Variants in TDRD9 observed in about 807,000 individuals in gnomAD.
TDRD9 encodes ATP-dependent RNA helicase TDRD9.
Under a neutral mutation model 172.6 loss-of-function variants are expected in TDRD9, and 124 were observed. That is an observed-to-expected ratio of 0.72 (90% CI 0.62 to 0.83). TDRD9 has a LOEUF of 0.83. Among genes scored for constraint, TDRD9 ranks in the 40% least tolerant of loss-of-function variants. The probability of loss-of-function intolerance (pLI) is 0.00; values close to 1 mark genes in which losing one functional copy is unlikely to be tolerated. For missense variants in TDRD9, 1,479 were observed against 1,714.1 expected (o/e 0.86, Z 2.42); for synonymous variants, 619 against 617.1 (o/e 1.00, Z -0.05).
At chr14:103,944,855 G>A (rs920759686) in intron 1 of TDRD9, among the ~76,000 whole-genome samples, 4 of 152,096 alleles carry the variant, frequency 2.6e-5, no homozygotes, top group East Asian at 1.9e-4. Flanking sequence ...GTGAGCCACC[G>A]TGCCCGGCTT....
In TDRD9 at chr14:103,965,360, G is replaced by T; in HGVS notation, c.448G>T (p.Val150Leu). 1 of 1,551,644 alleles carries T rather than the reference G, an allele frequency of 6.4e-7. No individual in the cohort carries two copies. The highest frequency in any genetic ancestry group is 1.2e-5 in the South Asian group (1 of 84,048). Residue 150 changes from valine to leucine, a missense_variant, in exon 4 of 36, where the codon GTG (valine) becomes TTG (leucine). This residue lies in a region of TDRD9 where 1,413 missense variants were observed against 1,649.1 expected (regional missense o/e 0.86). Transcript: ENST00000409874. ...TGTGTCTTTGATAGAAAGTAATTCCGTGGTGATTATCCATGGGGCCACGGG... is the reference window on the plus strand; with the variant it reads ...TGTGTCTTTGATAGAAAGTAATTCCTTGGTGATTATCCATGGGGCCACGGG... ...EVVSLIESNS[V>L]VIIHGATGSG...
At chr14:103,981,447 G>T (rs1483711747) in intron 7 of TDRD9, among the ~76,000 whole-genome samples, 3 of 152,160 alleles carry the variant, frequency 2.0e-5, no homozygotes, top group Non-Finnish European at 4.4e-5. Context: ...TCATGGGTGG[G>T]TTATGTTCAA....
rs1342749334 is a variant in TDRD9, at chr14:103,941,799, GA to G, written c.215+13076del. 13 of 866,110 alleles carry G rather than the reference GA, an allele frequency of 1.5e-5. No homozygotes were observed. In the East Asian group the frequency reaches 3.3e-4, roughly 22 times the overall value. 53.7% of individuals were successfully genotyped at this position (866,110 alleles called of 1,614,324 possible). A position where few individuals can be genotyped will look rare whatever the true frequency, so the allele number is the denominator to read the frequency against. On this transcript the variant is annotated intron_variant, in intron 1 of 35. Transcript: ENST00000409874. ...CAATAAATTTGCCCGAAAAGTGCAC[GA>G]TTTTTTTTCACATTTAGCTATGCAG...
chr14:103,971,341 G>T (rs1371253227), intron 6 of TDRD9, among the ~76,000 whole-genome samples: 1 of 151,568 alleles, frequency 6.6e-6, no homozygotes, highest in Non-Finnish European at 1.5e-5. Context: ...GTCTCACTCT[G>T]TTGCCCAGGG....
chr14:103,988,529 A>G (rs1032734076), intron 8 of TDRD9, among the ~76,000 whole-genome samples: 1 of 152,014 alleles, frequency 6.6e-6, no homozygotes, highest in African/African-American at 2.4e-5. Context: ...TAATCCATTT[A>G]TGTTGTTTAA....
intron 6 of TDRD9, among the ~76,000 whole-genome samples, chr14:103,970,889 C>A (rs1429737953): frequency 2.0e-5 from 3 of 152,108 alleles, no homozygotes; most frequent in Non-Finnish European, 4.4e-5. Flanking sequence ...AGTTGCTATA[C>A]TCTATTTTTT....
intron 7 of TDRD9, among the ~76,000 whole-genome samples, chr14:103,981,825 G>A (rs2033483617): frequency 6.6e-6 from 1 of 152,204 alleles, no homozygotes; most frequent in Admixed American, 6.5e-5. Context: ...TCACTGTAAA[G>A]TCTAAAAATA....
chr14:103,931,802 G>A (rs1488035682), intron 1 of TDRD9, among the ~76,000 whole-genome samples: 1 of 152,182 alleles, frequency 6.6e-6, no homozygotes. Context: ...CTGATCACAT[G>A]AGCCCTTAAA....
rs192133833 is a variant in TDRD9, at chr14:104,024,167, T to C, written c.2607-402T>C. Among the ~76,000 whole-genome samples the C allele has an allele frequency of 5.9e-5, 9 of 152,314 alleles. No individual in the cohort carries two copies. In the East Asian group the frequency reaches 7.7e-4, roughly 13 times the overall value. On this transcript the variant is annotated intron_variant, in intron 24 of 35. Coordinates refer to ENST00000409874, the MANE Select transcript of TDRD9 (RefSeq NM_153046.3). ...GCATTGAGCCAAGCGTGGATTCTTA[T>C]AGTTTTCTAAAGGTCAAGGTGCACA...
chr14:104,012,502 T>G (rs1413686898), intron 20 of TDRD9, among the ~76,000 whole-genome samples: 1 of 149,054 alleles, frequency 6.7e-6, no homozygotes, highest in Non-Finnish European at 1.5e-5. Context: ...GGTGTGGGAT[T>G]CTAAATCATT....
intron 34 of TDRD9, 94 bp downstream of exon 34, chr14:104,042,281 C>T: frequency 1.2e-6 from 1 of 834,026 alleles, no homozygotes; most frequent in Non-Finnish European, 2.0e-6. Context: ...GGCAATGTGA[C>T]ATATTGATCA....
Position 104,040,282 on chromosome 14 carries a change from A to G in TDRD9, c.3803A>G (p.His1268Arg). 2 of 1,551,762 alleles carry G rather than the reference A, an allele frequency of 1.3e-6. No homozygotes were observed. Among genetic ancestry groups the G allele is most frequent in the Non-Finnish European group, 1.7e-6 (2 of 1,146,908 alleles). The change falls in exon 33 of 36, where the codon CAC (histidine) becomes CGC (arginine). Residue 1268 changes from histidine to arginine, a missense_variant. His to Arg is a conservative substitution (Grantham distance 29). Transcript: ENST00000409874. ...ACAGGGGCTTCCATACTGCCCGAGC[A>G]CGACATGGAGCTTGCGTTTGACGTT... ...PATGASILPE[H>R]DMELAFDVQF...
rs77834410 is a variant in TDRD9 at position 104,002,593 on chromosome 14, C to T, written c.1484-1645C>T. ...TGGTTGCCTTTGATTGGCTGAAACC[C>T]GGTGATTGGCATAAGAGTGGGTTAT... On this transcript the variant is annotated intron_variant, in intron 13 of 35. Coordinates refer to ENST00000409874, the MANE Select transcript of TDRD9 (RefSeq NM_153046.3). Among the ~76,000 whole-genome samples, 1,382 of 152,130 alleles carry T rather than the reference C, an allele frequency of 9.1e-3. 17 individuals carry two copies. Among genetic ancestry groups the T allele is most frequent in the African/African-American group, 0.032 (1,313 of 41,498 alleles).
intron 25 of TDRD9, 131 bp from the exon 26 acceptor site, chr14:104,025,433 C>A: frequency 4.3e-6 from 3 of 698,272 alleles, no homozygotes; most frequent in Non-Finnish European, 7.2e-6. Flanking sequence ...CCTGTAAATA[C>A]TTATGTTCCG....
intron 23 of TDRD9, among the ~76,000 whole-genome samples, chr14:104,018,885 A>ATT (rs2034870814): frequency 6.6e-6 from 1 of 152,208 alleles, no homozygotes; most frequent in South Asian, 2.1e-4. Flanking sequence ...CAAGTTGAAC[A>ATT]TTAAGTCCAT....
At chr14:104,019,390 G>A (rs1388387153) in intron 23 of TDRD9, among the ~76,000 whole-genome samples, 3 of 152,112 alleles carry the variant, frequency 2.0e-5, no homozygotes, top group Non-Finnish European at 4.4e-5. Flanking sequence ...TTGAGACAGA[G>A]TCTTGCTCTG....
At chr14:104,003,994 C>T (rs1017924137) in intron 13 of TDRD9, among the ~76,000 whole-genome samples, 5 of 152,076 alleles carry the variant, frequency 3.3e-5, no homozygotes, top group African/African-American at 1.2e-4. Flanking sequence ...GAATAGAAGT[C>T]AGCATTTAGT....
In TDRD9 at chr14:104,002,338, GAAA is replaced by G. The variant is rs1159954540; in HGVS notation, c.1484-1895_1484-1893del. ...GTTTCAAAAAAAAAAAAAAAAAAAA[GAAA>G]AAAATTTTAGACAAATTAAATTTAA... On this transcript the variant is annotated intron_variant, in intron 13 of 35. Transcript: ENST00000409874. 7.4e-5 allele frequency among the ~76,000 whole-genome samples: 8 copies of G among 108,074 alleles called. No individual in the cohort carries two copies. The East Asian group carries it at 2.2e-3, about 30-fold the overall frequency. 70.9% of individuals were successfully genotyped at this position (108,074 alleles called of 152,430 possible). A position where few individuals can be genotyped will look rare whatever the true frequency, so the allele number is the denominator to read the frequency against.
In TDRD9 at chr14:104,006,436, T is replaced by C. The variant is rs2034439644; in HGVS notation, c.1761T>C (p.His587=). ...GGCAGAGAGAAGATGAAAACCCCCA[T>C]GATGGTGAATTGACCTTCTTAGGAA... The part of the protein sequence containing the change: ...VSGQREDENP[H]DGELTFLGRV... Residue 587 remains histidine (H), a synonymous_variant, in exon 16 of 36, where the codon CAT becomes CAC. Transcript: ENST00000409874. The C allele has an allele frequency of 2.5e-6, 4 of 1,613,918 alleles. No individual in the cohort carries two copies. Among genetic ancestry groups the C allele is most frequent in the Non-Finnish European group, 3.4e-6 (4 of 1,179,822 alleles).
Sources: gnomAD v4.1 joint callset for allele counts (sites outside exome capture counted in the v4.1 genomes callset) on GRCh38, gnomAD v4.1.1 for gene constraint, gnomAD v4.1.1 regional missense constraint, MANE v1.5 for transcripts, NCBI Gene and HGNC (gene_info 2026-07-23, HGNC 2026-07-21) for gene names.